MFSD11: variants seen among roughly 807,000 people sequenced by gnomAD.
The protein encoded by MFSD11 is UNC93-like protein MFSD11.
Under a neutral mutation model 53.5 loss-of-function variants are expected in MFSD11, and 36 were observed. The observed-to-expected ratio is 0.67, with a 90% CI of 0.52 to 0.89. MFSD11 has a LOEUF of 0.89. Among genes scored for constraint, MFSD11 ranks in the 40% least tolerant of loss-of-function variants. MFSD11 has a pLI of 0.00. For missense variants in MFSD11, 530 were observed against 543.9 expected (o/e 0.97, Z 0.25); for synonymous variants, 186 against 184.9 (o/e 1.01, Z -0.05).
Position 76,742,197 on chromosome 17 carries a change from A to C in MFSD11, c.361A>C (p.Asn121His). Residue 121 changes from asparagine to histidine, a missense_variant, in exon 5 of 13, where the codon AAC becomes CAC. By Grantham distance (68) the Asn-to-His change is moderately conservative. Coordinates refer to ENST00000685175, the MANE Select transcript of MFSD11 (RefSeq NM_001242532.5). ...AAAVLWTAQG[N>H]CLTINSDEHS... is the part of the protein sequence containing the mutation. ...TTTAGTGCTTTGGACAGCACAAGGA[A>C]ACTGCCTGACAATCAATTCGGATGA... The C allele has an allele frequency of 6.2e-7, 1 of 1,614,224 alleles. No homozygotes were observed. Among genetic ancestry groups the C allele is most frequent in the Non-Finnish European group, 8.5e-7 (1 of 1,180,040 alleles).
At chr17:76,800,527 C>G in the MFSD11 span, among the ~76,000 whole-genome samples, 1 of 152,190 alleles carries the variant, frequency 6.6e-6, no homozygotes, top group East Asian at 1.9e-4. Flanking sequence ...AGCCAACTCG[C>G]AATGGATTGT....
In MFSD11 at chr17:76,741,981, C is replaced by A. The variant is rs775395625; in HGVS notation, c.273C>A (p.Ala91=). The change falls in exon 4 of 13, where the codon GCC becomes GCA. Residue 91 remains alanine, a synonymous_variant. Coordinates refer to ENST00000685175, the MANE Select transcript of MFSD11 (RefSeq NM_001242532.5). ...ASGLFYSMYI[A]VFIQPFPWSF... is the part of the protein sequence containing the mutation. Reference sequence around the variant, plus strand: ...TGTTATATTTTAGCATGTACATTGCCGTTTTCATCCAGCCTTTCCCGTGGT... The same window carrying A: ...TGTTATATTTTAGCATGTACATTGCAGTTTTCATCCAGCCTTTCCCGTGGT... 8 of 1,614,048 alleles carry A rather than the reference C, an allele frequency of 5.0e-6. No individual in the cohort carries two copies. Among genetic ancestry groups the A allele is most frequent in the Non-Finnish European group, 6.8e-6 (8 of 1,179,996 alleles).
the MFSD11 span, chr17:76,799,000 C>A: frequency 1.4e-5 from 2 of 139,984 alleles, no homozygotes; most frequent in Admixed American, 1.5e-4. Flanking sequence ...GTACTCCAGC[C>A]TAGGCAACAA....
Position 76,775,038 on chromosome 17 carries a change from G to A in MFSD11, c.916G>A (p.Gly306Ser). ...CCTGCTGAGCAAGAACAATCGTTTT[G>A]GTAGAAATCCAGTTGTGCTGTTGGG... is the stretch of plus-strand genomic sequence containing the variant. ...FGLLSKNNRF[G>S]RNPVVLLGIL... The change falls in exon 11 of 13, where the codon GGT (glycine) becomes AGT (serine). Residue 306 changes from glycine (G) to serine (S), a missense_variant. Physicochemically the swap from Gly to Ser is moderately conservative, Grantham distance 56. Transcript: ENST00000685175. 1 of 1,613,978 alleles carries A rather than the reference G, an allele frequency of 6.2e-7. No individual in the cohort carries two copies. The highest frequency in any genetic ancestry group is 8.5e-7 in the Non-Finnish European group (1 of 1,179,930).
At chr17:76,770,543 T>C (rs1232571814) in intron 10 of MFSD11, among the ~76,000 whole-genome samples, 1 of 152,124 alleles carries the variant, frequency 6.6e-6, no homozygotes. Context: ...CACTTAACTC[T>C]CCAAAGTTAG....
At chr17:76,744,023 C>T (rs188648628) in intron 6 of MFSD11, among the ~76,000 whole-genome samples, 5 of 152,254 alleles carry the variant, frequency 3.3e-5, no homozygotes, top group East Asian at 1.9e-4. Flanking sequence ...ATACTGCGCA[C>T]GAGTATGTGG....
downstream of MFSD11, among the ~76,000 whole-genome samples, chr17:76,782,877 G>C (rs1206311207): frequency 2.6e-5 from 4 of 151,914 alleles, no homozygotes; most frequent in Admixed American, 6.6e-5. Context: ...TGCATTACTT[G>C]AGTTAAAGAT....
At chr17:76,740,458 C>T (rs984063625) in intron 2 of MFSD11, among the ~76,000 whole-genome samples, 12 of 152,168 alleles carry the variant, frequency 7.9e-5, no homozygotes, top group Non-Finnish European at 1.6e-4. Context: ...AGAGAAATGT[C>T]ATGACGCTGC....
chr17:76,740,640 C>G (rs1458277999), intron 2 of MFSD11, among the ~76,000 whole-genome samples: 1 of 152,096 alleles, frequency 6.6e-6, no homozygotes, highest in African/African-American at 2.4e-5. Context: ...ATATCTTTCT[C>G]CTAGTGCTGT....
At chr17:76,786,767 G>T in the MFSD11 span, among the ~76,000 whole-genome samples, 3 of 152,244 alleles carry the variant, frequency 2.0e-5, no homozygotes. Context: ...CCAAAATTCC[G>T]TACTCCAGAA....
chr17:76,775,244 G>T, intron 11 of MFSD11, 73 bp downstream of exon 11: 1 of 1,423,078 alleles, frequency 7.0e-7, no homozygotes, highest in South Asian at 1.3e-5. Flanking sequence ...ACTGAAAGTG[G>T]AGCAGTTAAT....
At chr17:76,800,236 T>C in the MFSD11 span, among the ~76,000 whole-genome samples, 58 of 152,216 alleles carry the variant, frequency 3.8e-4, no homozygotes, top group Non-Finnish European at 7.1e-4. Flanking sequence ...ATTACAAGTG[T>C]GAGCCACTGT....
intron 8 of MFSD11, among the ~76,000 whole-genome samples, chr17:76,759,756 C>CTTTTTTTT (rs1159131964): frequency 1.2e-3 from 33 of 27,014 alleles, no homozygotes; most frequent in South Asian, 1.3e-3. Context: ...CGTGACCGGC[C>CTTTTTTTT]TTTTTTTTTT....
At chr17:76,759,756 C>CTTT (rs1159131964) in intron 8 of MFSD11, among the ~76,000 whole-genome samples, 278 of 26,992 alleles carry the variant, frequency 0.01, 60 homozygotes, top group African/African-American at 0.015. Flanking sequence ...CGTGACCGGC[C>CTTT]TTTTTTTTTT....
chr17:76,762,398 C>T (rs1424778430), intron 8 of MFSD11, among the ~76,000 whole-genome samples: 1 of 152,122 alleles, frequency 6.6e-6, no homozygotes, highest in Non-Finnish European at 1.5e-5. Flanking sequence ...TCTGCTTTGC[C>T]AGTTTGGCTG....
rs151233166 is a variant in MFSD11, at chr17:76,776,733, C to T, written c.1185+192C>T. Among the ~76,000 whole-genome samples, 296 of 152,154 alleles carry T rather than the reference C, an allele frequency of 1.9e-3. 2 individuals carry two copies. Among genetic ancestry groups the T allele is most frequent in the African/African-American group, 6.8e-3 (282 of 41,522 alleles). Reference sequence around the variant, plus strand: ...TTGACTCGCTGCAACCTCCGCCTCCCGGGTTCAAGCAATTCTCCTGCCTTA... The same window carrying T: ...TTGACTCGCTGCAACCTCCGCCTCCTGGGTTCAAGCAATTCTCCTGCCTTA... On this transcript the variant is annotated intron_variant, in intron 12 of 12. Transcript: ENST00000685175. The surrounding 1 kb of genome is among the most constrained non-coding windows in gnomAD (Gnocchi z 4.2).
At chr17:76,783,893 C>A (rs899807406), downstream of MFSD11, among the ~76,000 whole-genome samples, 1 of 150,494 alleles carries the variant, frequency 6.6e-6, no homozygotes, top group African/African-American at 2.5e-5. Context: ...TCTCCAAGTA[C>A]AAATAAGTCC....
rs765556090 is a variant in MFSD11, at chr17:76,743,438, G to A, written c.478G>A (p.Gly160Arg). Reference sequence around the variant, plus strand: ...TCTCTACATATATTTTGCCTGGCAAGGGAAAACTCAGATATCAGGTTTGTT... The same window carrying A: ...TCTCTACATATATTTTGCCTGGCAAAGGAAAACTCAGATATCAGGTTTGTT... Reference protein sequence around the residue: ...GNLYIYFAWQGKTQISESDRR... With the variant: ...GNLYIYFAWQRKTQISESDRR... The change falls in exon 6 of 13, where the codon GGG becomes AGG. Residue 160 changes from glycine to arginine, a missense_variant. Physicochemically the swap from Gly to Arg is moderately radical, Grantham distance 125. Transcript: ENST00000685175. The A allele has an allele frequency of 3.2e-6, 5 of 1,580,390 alleles. No individual in the cohort carries two copies. Among genetic ancestry groups the A allele is most frequent in the Non-Finnish European group, 4.3e-6 (5 of 1,165,836 alleles).
chr17:76,748,205 C>G (rs1396123225), intron 7 of MFSD11: 1 of 152,220 alleles, frequency 6.6e-6, no homozygotes, highest in Non-Finnish European at 1.5e-5. Flanking sequence ...GCGTGGTGGG[C>G]TCTGGTCTCC....
Sources: allele counts gnomAD v4.1 joint callset (sites outside exome capture counted in the v4.1 genomes callset), GRCh38; gene constraint gnomAD v4.1.1; non-coding constraint Gnocchi (gnomAD v3.1); transcripts MANE v1.5; gene names NCBI Gene and HGNC (gene_info 2026-07-23, HGNC 2026-07-21).